SHISA9: variants seen among roughly 807,000 people sequenced by gnomAD.
SHISA9 encodes protein shisa-9.
In SHISA9, 13 loss-of-function variants were observed where a neutral mutation model predicts 38.0. That is an observed-to-expected ratio of 0.34 (90% CI 0.22 to 0.54). The LOEUF (loss-of-function observed/expected upper bound fraction) is 0.54. Among genes scored for constraint, SHISA9 ranks in the 20% least tolerant of loss-of-function variants. The pLI is 0.91. For synonymous variants in SHISA9, 275 were observed against 242.0 expected (o/e 1.14, Z -1.27); for missense variants, 538 against 575.8 (o/e 0.93, Z 0.67).
chr16:13,477,554 A>G, the SHISA9 span, among the ~76,000 whole-genome samples: 12 of 152,214 alleles, frequency 7.9e-5, no homozygotes, highest in Admixed American at 3.9e-4. Flanking sequence ...ACCTGGCCCC[A>G]AAGGCAAGTC....
the SHISA9 span, among the ~76,000 whole-genome samples, chr16:13,339,165 C>CTT: frequency 0.17 from 22,880 of 132,714 alleles, 2,835 homozygotes; most frequent in African/African-American, 0.33. Context: ...CTTATTGTGA[C>CTT]TTTTTTTTTT....
chr16:13,363,918 T>C, the SHISA9 span, among the ~76,000 whole-genome samples: 2 of 145,302 alleles, frequency 1.4e-5, no homozygotes, highest in African/African-American at 4.9e-5. Context: ...AAATGCACAT[T>C]GTCAGGCCCT....
intron 2 of SHISA9, among the ~76,000 whole-genome samples, chr16:13,165,589 G>A (rs551462257): frequency 3.3e-5 from 5 of 152,282 alleles, no homozygotes; most frequent in African/African-American, 9.6e-5. Context: ...CTGATACGTG[G>A]AGAAACTGAG....
chr16:13,037,135 C>G (rs983522580), intron 2 of SHISA9, among the ~76,000 whole-genome samples: 13 of 149,090 alleles, frequency 8.7e-5, no homozygotes, highest in Admixed American at 3.3e-4. Flanking sequence ...CACACACACA[C>G]ACACACACAC....
the SHISA9 span, among the ~76,000 whole-genome samples, chr16:13,294,707 T>C: frequency 6.6e-5 from 10 of 152,222 alleles, no homozygotes; most frequent in East Asian, 7.7e-4. Flanking sequence ...CATTGGCAAA[T>C]ACTGTATCTT....
chr16:13,105,816 C>T (rs1412525633), intron 2 of SHISA9, among the ~76,000 whole-genome samples: 2 of 152,144 alleles, frequency 1.3e-5, no homozygotes, highest in African/African-American at 4.8e-5. Context: ...CTCTGCCTGG[C>T]CGGGGTACAG....
chr16:13,045,457 C>T (rs1324145480), intron 2 of SHISA9, among the ~76,000 whole-genome samples: 2 of 152,114 alleles, frequency 1.3e-5, no homozygotes, highest in Non-Finnish European at 2.9e-5. Context: ...CTAAGTAGTA[C>T]AGATAGGTTC....
At chr16:13,460,097 A>G in the SHISA9 span, among the ~76,000 whole-genome samples, 11 of 152,244 alleles carry the variant, frequency 7.2e-5, no homozygotes, top group Admixed American at 3.9e-4. Flanking sequence ...TATTATCCCT[A>G]AACATATCCA....
chr16:13,343,789 C>A, the SHISA9 span, among the ~76,000 whole-genome samples: 1 of 152,110 alleles, frequency 6.6e-6, no homozygotes, highest in African/African-American at 2.4e-5. Flanking sequence ...GCATCATGAT[C>A]TTTAATTAGA....
chr16:13,173,745 GTCTAA>G (rs1464786761), intron 2 of SHISA9, among the ~76,000 whole-genome samples: 8 of 152,104 alleles, frequency 5.3e-5, no homozygotes, highest in Non-Finnish European at 1.2e-4. Context: ...GGAAACCGAG[GTCTAA>G]TGGAGAAGAC....
chr16:13,144,572 C>T (rs1041061192), intron 2 of SHISA9, among the ~76,000 whole-genome samples: 9 of 151,876 alleles, frequency 5.9e-5, no homozygotes, highest in African/African-American at 9.7e-5. Context: ...GTGCATATTA[C>T]GAGGTCGGGG....
the SHISA9 span, among the ~76,000 whole-genome samples, chr16:13,297,055 T>A: frequency 1.3e-5 from 2 of 152,130 alleles, no homozygotes; most frequent in African/African-American, 4.8e-5. Context: ...TTCAGAATTA[T>A]ACTGTAAGCA....
intron 1 of SHISA9, chr16:12,902,864 G>C (rs984353532): frequency 1.9e-6 from 1 of 522,094 alleles, no homozygotes; most frequent in Non-Finnish European, 3.4e-6. Flanking sequence ...GTGTGTGTGT[G>C]TGTGACTCTG....
the SHISA9 span, among the ~76,000 whole-genome samples, chr16:13,390,360 G>C: frequency 6.6e-6 from 1 of 152,120 alleles, no homozygotes; most frequent in Non-Finnish European, 1.5e-5. Flanking sequence ...CATGAAGTGT[G>C]TTTGTTGGGC....
chr16:13,189,639 A>T (rs775213087), intron 2 of SHISA9, among the ~76,000 whole-genome samples: 2 of 152,178 alleles, frequency 1.3e-5, no homozygotes, highest in Non-Finnish European at 2.9e-5. Context: ...GAGAAAGGAG[A>T]GAGAACGATG....
chr16:13,462,821 G>T, the SHISA9 span, among the ~76,000 whole-genome samples: 1 of 152,062 alleles, frequency 6.6e-6, no homozygotes, highest in Non-Finnish European at 1.5e-5. Context: ...AATTAGCCAG[G>T]CGTGGTGGCG....
the SHISA9 span, among the ~76,000 whole-genome samples, chr16:13,399,161 G>A: frequency 6.6e-6 from 1 of 151,876 alleles, no homozygotes; most frequent in African/African-American, 2.4e-5. Context: ...ACACTGAGGT[G>A]GGAGGATGAC....
the SHISA9 span, among the ~76,000 whole-genome samples, chr16:13,251,385 C>A: frequency 6.6e-6 from 1 of 152,146 alleles, no homozygotes; most frequent in South Asian, 2.1e-4. Flanking sequence ...ACCCAGTTAG[C>A]ACCTGGCCTA....
chr16:13,351,808 G>A, the SHISA9 span, among the ~76,000 whole-genome samples: 3 of 152,208 alleles, frequency 2.0e-5, no homozygotes, highest in African/African-American at 4.8e-5. Flanking sequence ...GCTAACACCA[G>A]TAAATAATTT....
Sources: gnomAD v4.1 joint callset for allele counts (sites outside exome capture counted in the v4.1 genomes callset) on GRCh38, gnomAD v4.1.1 for gene constraint, MANE v1.5 for transcripts, NCBI Gene and HGNC (gene_info 2026-07-23, HGNC 2026-07-21) for gene names.